Variants in FBN2 observed in about 807,000 individuals in gnomAD.
FBN2 encodes the protein fibrillin-2.
FBN2 carries 105 observed loss-of-function variants against 355.6 expected under a neutral mutation model. That is an observed-to-expected ratio of 0.30 (90% CI 0.25 to 0.35). The LOEUF (loss-of-function observed/expected upper bound fraction) is 0.35. Among genes scored for constraint, FBN2 ranks in the 10% least tolerant of loss-of-function variants. The pLI is 1.00. For missense variants in FBN2, 3,280 were observed against 3,758.7 expected (o/e 0.87, Z 3.33); for synonymous variants, 1,350 against 1,301.2 (o/e 1.04, Z -0.81).
At chr5:128,488,591 G>T (rs1343074043) in intron 5 of FBN2, among the ~76,000 whole-genome samples, 1 of 151,792 alleles carries the variant, frequency 6.6e-6, no homozygotes, top group Non-Finnish European at 1.5e-5. Context: ...ATGCTGGTGT[G>T]CTGTGCCCAT....
rs1764977495 is a variant in FBN2, at chr5:128,261,723, G to A, written c.8364+13C>T. 6.2e-7 allele frequency: 1 copy of A among 1,613,562 alleles called. No homozygotes were observed. Among genetic ancestry groups the A allele is most frequent in the Non-Finnish European group, 8.5e-7 (1 of 1,179,494 alleles). The stretch of plus-strand genomic sequence containing the variant: ...ATAAAATTTTGTGGCAACACAGAGT[G>A]GGATATACTCACAGCAGTGGGATCA... On this transcript the variant is annotated intron_variant, in intron 64 of 64. Coordinates refer to ENST00000262464, the MANE Select transcript of FBN2 (RefSeq NM_001999.4).
rs145801889 is a variant in FBN2, at chr5:128,454,616, T to C, written c.827-8010A>G. Reference sequence around the variant, plus strand: ...CAACAATTGAGGAGCTAGCAACATCTGCCTGATTTCAGCTGAGATTAAAGT... The same window carrying C: ...CAACAATTGAGGAGCTAGCAACATCCGCCTGATTTCAGCTGAGATTAAAGT... On this transcript the variant is annotated intron_variant, in intron 6 of 64. Transcript: ENST00000262464. Among the ~76,000 whole-genome samples the C allele has an allele frequency of 6.6e-5, 10 of 152,370 alleles. No homozygotes were observed. The East Asian group carries it at 1.7e-3, about 26-fold the overall frequency.
intron 5 of FBN2, among the ~76,000 whole-genome samples, chr5:128,484,408 A>G (rs555802469): frequency 5.2e-4 from 79 of 152,364 alleles, no homozygotes; most frequent in African/African-American, 1.7e-3. Context: ...ATAGAAAGAA[A>G]TATATATATT....
At position 128,261,750 on chromosome 5, in the gene FBN2, G is replaced by A; in HGVS notation, c.8350C>T (p.Pro2784Ser). 6.2e-7 allele frequency: 1 copy of A among 1,614,172 alleles called. No individual in the cohort carries two copies. The highest frequency in any genetic ancestry group is 8.5e-7 in the Non-Finnish European group (1 of 1,180,002). Residue 2784 changes from proline (P) to serine (S), a missense_variant, in exon 64 of 65, where the codon CCT (proline) becomes TCT (serine). Physicochemically the swap from Pro to Ser is moderately conservative, Grantham distance 74. Around this residue, in one of 6 missense-constraint regions of FBN2, gnomAD observed 311 missense variants for 319.1 expected, o/e 0.97. Coordinates refer to ENST00000262464, the MANE Select transcript of FBN2 (RefSeq NM_001999.4). ...DSRQKRSIHE[P>S]DPTAVEQISL... Reference sequence around the variant, plus strand: ...GATATACTCACAGCAGTGGGATCAGGTTCATGAATACTTCTCTTCTGCCTG... The same window carrying A: ...GATATACTCACAGCAGTGGGATCAGATTCATGAATACTTCTCTTCTGCCTG...
At chr5:128,497,331 C>T (rs749894254) in intron 5 of FBN2, among the ~76,000 whole-genome samples, 10 of 152,194 alleles carry the variant, frequency 6.6e-5, no homozygotes, top group Non-Finnish European at 1.3e-4. Context: ...GTGGATTACA[C>T]TTTCTTGGGC....
chr5:128,497,077 A>G (rs1027068600), intron 5 of FBN2, among the ~76,000 whole-genome samples: 1 of 152,214 alleles, frequency 6.6e-6, no homozygotes, highest in Non-Finnish European at 1.5e-5. Context: ...CATGAAAGAA[A>G]GAAATAGAAA....
At chr5:128,331,530 G>A (rs990742541) in intron 32 of FBN2, among the ~76,000 whole-genome samples, 18 of 152,142 alleles carry the variant, frequency 1.2e-4, no homozygotes, top group Non-Finnish European at 2.4e-4. Context: ...ATTTTATCCC[G>A]AATTCAATGG....
chr5:128,439,974 A>T (rs1753873318), intron 7 of FBN2, among the ~76,000 whole-genome samples: 1 of 152,198 alleles, frequency 6.6e-6, no homozygotes. Flanking sequence ...ATCTGTTTCA[A>T]ATAATACCCT....
At chr5:128,324,911 G>T (rs541647063) in intron 34 of FBN2, among the ~76,000 whole-genome samples, 3 of 152,158 alleles carry the variant, frequency 2.0e-5, no homozygotes, top group African/African-American at 7.2e-5. Context: ...GAGCCACTGC[G>T]CTCGGCCATG....
chr5:128,378,514 T>C (rs1027816504), intron 12 of FBN2, among the ~76,000 whole-genome samples: 3 of 152,154 alleles, frequency 2.0e-5, no homozygotes, highest in Non-Finnish European at 2.9e-5. Flanking sequence ...GTTACTGATG[T>C]TATCTGGAGA....
intron 5 of FBN2, among the ~76,000 whole-genome samples, chr5:128,472,513 T>A (rs1205404578): frequency 6.6e-6 from 1 of 152,110 alleles, no homozygotes; most frequent in African/African-American, 2.4e-5. Flanking sequence ...TACGACAGGC[T>A]GGGCACAGTG....
intron 19 of FBN2, among the ~76,000 whole-genome samples, chr5:128,359,375 T>TA: frequency 6.6e-6 from 1 of 152,030 alleles, no homozygotes; most frequent in East Asian, 1.9e-4. Flanking sequence ...CAGAAACACT[T>TA]ACTGTTTGAA....
chr5:128,454,201 C>T (rs1182255078), intron 6 of FBN2, among the ~76,000 whole-genome samples: 1 of 152,218 alleles, frequency 6.6e-6, no homozygotes, highest in East Asian at 1.9e-4. Context: ...CCAACAGCTA[C>T]ATGTGCTCAT....
chr5:128,401,014 C>T (rs560619723), intron 8 of FBN2, among the ~76,000 whole-genome samples: 1 of 152,276 alleles, frequency 6.6e-6, no homozygotes, highest in East Asian at 1.9e-4. Flanking sequence ...TCATTTTCTC[C>T]TGCTGCTGCC....
chr5:128,298,176 C>G (rs1473350818), intron 48 of FBN2, among the ~76,000 whole-genome samples: 4 of 152,010 alleles, frequency 2.6e-5, no homozygotes, highest in African/African-American at 9.7e-5. Flanking sequence ...CCACTCTCTT[C>G]TGGCTTGTAG....
At chr5:128,361,699 T>C in intron 19 of FBN2, 24 bp downstream of exon 19, 1 of 1,613,998 alleles carries the variant, frequency 6.2e-7, no homozygotes, top group Non-Finnish European at 8.5e-7. Context: ...TATGCACAAA[T>C]AAGGCGATGA....
intron 5 of FBN2, among the ~76,000 whole-genome samples, chr5:128,504,004 G>A (rs1369584376): frequency 6.6e-6 from 1 of 152,152 alleles, no homozygotes; most frequent in Non-Finnish European, 1.5e-5. Context: ...CATCTCAGCT[G>A]CTCCAGCTCC....
chr5:128,373,753 C>T (rs901335105), intron 15 of FBN2, among the ~76,000 whole-genome samples: 1 of 152,142 alleles, frequency 6.6e-6, no homozygotes, highest in African/African-American at 2.4e-5. Flanking sequence ...ACGCCAGTGA[C>T]GCTTCTGTTT....
At position 128,474,997 on chromosome 5, in the gene FBN2, T is replaced by C. The variant is rs539616202; in HGVS notation, c.629-10076A>G. Among the ~76,000 whole-genome samples the C allele has an allele frequency of 9.2e-5, 14 of 152,290 alleles. No homozygotes were observed. The East Asian group carries it at 2.3e-3, about 25-fold the overall frequency. On this transcript the variant is annotated intron_variant, in intron 5 of 64. Transcript: ENST00000262464. ...TTTGAAATGCACAGGGGAAGCTCTTTCCCAGTTATTTGCTGCATGAAGAAC... is the reference window on the plus strand; with the variant it reads ...TTTGAAATGCACAGGGGAAGCTCTTCCCCAGTTATTTGCTGCATGAAGAAC...
Sources: gnomAD v4.1 joint callset for allele counts (sites outside exome capture counted in the v4.1 genomes callset) on GRCh38, gnomAD v4.1.1 for gene constraint, gnomAD v4.1.1 regional missense constraint, MANE v1.5 for transcripts, NCBI Gene and HGNC (gene_info 2026-07-23, HGNC 2026-07-21) for gene names.